The following AUTS2 variants were observed in gnomAD, a reference collection of about 807,000 sequenced individuals.
AUTS2 encodes the protein activator of transcription and developmental regulator AUTS2.
AUTS2 carries 17 observed loss-of-function variants against 112.4 expected under a neutral mutation model. The observed-to-expected ratio is 0.15, with a 90% confidence interval of 0.10 to 0.23. The LOEUF (loss-of-function observed/expected upper bound fraction) is 0.23. Ranked by LOEUF, AUTS2 falls within the 10% of genes least tolerant of loss-of-function variation. The pLI is 1.00. For missense variants in AUTS2, 1,510 were observed against 1,701.6 expected, an observed-to-expected ratio of 0.89 and a Z score of 1.98; for synonymous variants, 751 against 702.7, an observed-to-expected ratio of 1.07 and a Z score of -1.09.
At chr7:69,999,401 C>T (rs989100898) in intron 2 of AUTS2, among the ~76,000 whole-genome samples, 3 of 152,074 alleles carry the variant, frequency 2.0e-5, no homozygotes, top group Non-Finnish European at 4.4e-5. Flanking sequence ...TAATTTTCCC[C>T]CTACTTTTTA....
chr7:69,878,266 C>G (rs1793892093), intron 1 of AUTS2, among the ~76,000 whole-genome samples: 1 of 152,112 alleles, frequency 6.6e-6, no homozygotes, highest in Non-Finnish European at 1.5e-5. Context: ...TAGGAGAACC[C>G]TAAGGTGGAG....
At chr7:70,030,188 A>G (rs1229019418) in intron 2 of AUTS2, among the ~76,000 whole-genome samples, 2 of 152,298 alleles carry the variant, frequency 1.3e-5, no homozygotes, top group Non-Finnish European at 1.5e-5. Flanking sequence ...AGGCCTCCCT[A>G]TCTGCATCAC....
At chr7:70,282,626 G>A (rs1027130020) in intron 4 of AUTS2, among the ~76,000 whole-genome samples, 4 of 152,126 alleles carry the variant, frequency 2.6e-5, no homozygotes, top group African/African-American at 9.7e-5. Context: ...CATCACCTTG[G>A]TAGTTAGGAT....
At chr7:69,974,400 T>G (rs982436727) in intron 2 of AUTS2, among the ~76,000 whole-genome samples, 21 of 151,550 alleles carry the variant, frequency 1.4e-4, no homozygotes, top group African/African-American at 4.9e-4. Context: ...CTCTCTTGTT[T>G]TCCTGTTTTC....
chr7:69,963,099 A>G (rs552642911), intron 2 of AUTS2, among the ~76,000 whole-genome samples: 1 of 152,230 alleles, frequency 6.6e-6, no homozygotes, highest in Admixed American at 6.5e-5. Flanking sequence ...TCTGTTTAAA[A>G]CAAAACAAAA....
rs538655686 is a variant in AUTS2, at chr7:70,047,979, A to G, written c.523-70153A>G. Among the ~76,000 whole-genome samples the G allele has an allele frequency of 3.0e-4, 45 of 152,202 alleles. No homozygotes were observed. In the South Asian group the frequency reaches 9.1e-3, roughly 31 times the overall value. ...AAATATTAAGTACACTATTGGGAGCATGGGTCTGCTGTATGGGAGAGTGTC... is the reference window on the plus strand; with the variant it reads ...AAATATTAAGTACACTATTGGGAGCGTGGGTCTGCTGTATGGGAGAGTGTC... On this transcript the variant is annotated intron_variant, in intron 2 of 18. Transcript: ENST00000342771.
At chr7:70,618,554 T>C (rs935893247) in intron 5 of AUTS2, among the ~76,000 whole-genome samples, 4 of 152,156 alleles carry the variant, frequency 2.6e-5, no homozygotes, top group African/African-American at 9.7e-5. Context: ...TGTGCCCTAT[T>C]GAGAATTAAA....
At chr7:70,514,618 C>T (rs3113274) in intron 5 of AUTS2, among the ~76,000 whole-genome samples, 32,353 of 152,212 alleles carry the variant, frequency 0.21, 3,689 homozygotes, top group Admixed American at 0.26. Flanking sequence ...GGCCCCGCCT[C>T]CAACACTGGG....
intron 1 of AUTS2, among the ~76,000 whole-genome samples, chr7:69,888,452 C>CGACATGA (rs1794370408): frequency 6.8e-6 from 1 of 146,668 alleles, no homozygotes; most frequent in Admixed American, 7.0e-5. Flanking sequence ...TATTAGAGTT[C>CGACATGA]GACATGAGGG....
intron 1 of AUTS2, among the ~76,000 whole-genome samples, chr7:69,877,921 G>A (rs528052654): frequency 2.0e-5 from 3 of 152,118 alleles, no homozygotes; most frequent in East Asian, 1.9e-4. Flanking sequence ...ATGGCAGGCC[G>A]TGGAGAAGAT....
chr7:70,193,445 G>T lies in AUTS2; in HGVS notation c.660+58874G>T, dbSNP rs1252931520. Among the ~76,000 whole-genome samples the T allele has an allele frequency of 2.0e-5, 3 of 152,174 alleles. No individual in the cohort carries two copies. In the East Asian group the frequency reaches 5.8e-4, roughly 29 times the overall value. On this transcript the variant is annotated intron_variant, in intron 4 of 18. Transcript: ENST00000342771. Reference sequence around the variant, plus strand: ...AAGCACATGCTATTTTGCATTAAAAGAGACCCCTGCCTTCTACATAGTATC... The same window carrying T: ...AAGCACATGCTATTTTGCATTAAAATAGACCCCTGCCTTCTACATAGTATC...
At chr7:69,617,954 T>TCA (rs2129087376) in intron 1 of AUTS2, among the ~76,000 whole-genome samples, 1 of 152,320 alleles carries the variant, frequency 6.6e-6, no homozygotes, top group East Asian at 1.9e-4. Flanking sequence ...CTCATGTTTA[T>TCA]CACAGGCTTA....
chr7:69,709,330 G>A (rs983305896), intron 1 of AUTS2, among the ~76,000 whole-genome samples: 1 of 152,168 alleles, frequency 6.6e-6, no homozygotes, highest in African/African-American at 2.4e-5. Context: ...TTGTGTGGGT[G>A]CTGTGTGTTC....
chr7:70,230,666 C>T (rs1052935667), intron 4 of AUTS2, among the ~76,000 whole-genome samples: 1 of 152,204 alleles, frequency 6.6e-6, no homozygotes, highest in Non-Finnish European at 1.5e-5. Flanking sequence ...CAGCTTTGTG[C>T]ATATGCACAG....
intron 2 of AUTS2, among the ~76,000 whole-genome samples, chr7:70,052,436 A>G (rs1801797625): frequency 6.6e-6 from 1 of 152,170 alleles, no homozygotes; most frequent in South Asian, 2.1e-4. Flanking sequence ...CCATTTTAGA[A>G]TTGAGATGAC....
chr7:70,026,106 C>T (rs1294884987), intron 2 of AUTS2, among the ~76,000 whole-genome samples: 9 of 152,136 alleles, frequency 5.9e-5, no homozygotes, highest in Non-Finnish European at 8.8e-5. Flanking sequence ...AGAAGATGGG[C>T]GCTGCAGCTG....
At chr7:69,981,732 A>T (rs1798302637) in intron 2 of AUTS2, among the ~76,000 whole-genome samples, 1 of 152,252 alleles carries the variant, frequency 6.6e-6, no homozygotes, top group African/African-American at 2.4e-5. Context: ...TAAGACTGAA[A>T]TTTAGATATT....
chr7:70,148,524 C>G (rs892592527), intron 4 of AUTS2, among the ~76,000 whole-genome samples: 1 of 152,096 alleles, frequency 6.6e-6, no homozygotes, highest in Admixed American at 6.6e-5. Flanking sequence ...AATCTTGACT[C>G]AGCCCACTGG....
At chr7:70,633,523 A>T (rs1266424686) in intron 5 of AUTS2, among the ~76,000 whole-genome samples, 2 of 151,358 alleles carry the variant, frequency 1.3e-5, no homozygotes. Flanking sequence ...AGGCAGGAGA[A>T]TCACTTGAAC....
Sources: gnomAD v4.1 joint callset for allele counts (sites outside exome capture counted in the v4.1 genomes callset) on GRCh38, gnomAD v4.1.1 for gene constraint, MANE v1.5 for transcripts, NCBI Gene and HGNC (gene_info 2026-07-23, HGNC 2026-07-21) for gene names.